PPM1D: variants seen among roughly 807,000 people sequenced by gnomAD.
PPM1D encodes the protein protein phosphatase 1D.
PPM1D carries 52 observed loss-of-function variants against 58.3 expected under a neutral mutation model. The ratio of observed to expected loss-of-function variants is 0.89; its 90% confidence interval spans 0.71 to 1.12. The LOEUF is 1.12. Among genes scored for constraint, PPM1D ranks in the 50% most tolerant of loss-of-function variants. The pLI, the probability that PPM1D is intolerant of heterozygous loss-of-function variation, is 0.00. For synonymous variants in PPM1D, 278 were observed against 285.1 expected (o/e 0.98, Z 0.25); for missense variants, 564 against 777.2 (o/e 0.73, Z 3.26).
intron 3 of PPM1D, among the ~76,000 whole-genome samples, chr17:60,647,478 T>C (rs575715032): frequency 6.6e-6 from 1 of 152,306 alleles, no homozygotes; most frequent in East Asian, 1.9e-4. Flanking sequence ...TGGTTTTCCA[T>C]GTATAAATGA....
intron 1 of PPM1D, among the ~76,000 whole-genome samples, chr17:60,605,899 T>G (rs1286780627): frequency 6.6e-6 from 1 of 152,216 alleles, no homozygotes; most frequent in Non-Finnish European, 1.5e-5. Flanking sequence ...CGCGAGACTC[T>G]GTCTCATAAA....
chr17:60,604,348 G>T (rs369514353), intron 1 of PPM1D, among the ~76,000 whole-genome samples: 1 of 152,114 alleles, frequency 6.6e-6, no homozygotes, highest in Non-Finnish European at 1.5e-5. Flanking sequence ...TTCTTGAAGC[G>T]AAAAGCTCAC....
At chr17:60,628,184 T>TA (rs1359438635) in intron 2 of PPM1D, among the ~76,000 whole-genome samples, 3 of 152,152 alleles carry the variant, frequency 2.0e-5, no homozygotes, top group Non-Finnish European at 4.4e-5. Context: ...CTGCATAATT[T>TA]AAAAAAATTA....
chr17:60,600,779 G>T lies in PPM1D; in HGVS notation c.365G>T (p.Gly122Val), dbSNP rs1276428173. Reference sequence around the variant, plus strand: ...CAGTTTGCCCGGGAGCACTTGTGGGGTTTCATCAAGAAGCAGAAGGGTTTC... The same window carrying T: ...CAGTTTGCCCGGGAGCACTTGTGGGTTTTCATCAAGAAGCAGAAGGGTTTC... The part of the protein sequence containing the change: ...AAQFAREHLW[G>V]FIKKQKGFTS... Residue 122 changes from glycine to valine, a missense_variant, in exon 1 of 6, where the codon GGT becomes GTT. Gly to Val is a moderately radical substitution (Grantham distance 109). This residue lies in a region of PPM1D where 23 missense variants were observed against 28.9 expected (regional missense o/e 0.80). Transcript: ENST00000305921. 2.5e-6 allele frequency: 4 copies of T among 1,612,866 alleles called. No homozygotes were observed. The highest frequency in any genetic ancestry group is 2.2e-5 in the South Asian group (2 of 91,088).
chr17:60,600,514 A>C lies in PPM1D; in HGVS notation c.100A>C (p.Thr34Pro). 6.4e-7 allele frequency: 1 copy of C among 1,565,842 alleles called. No individual in the cohort carries two copies. Among genetic ancestry groups the C allele is most frequent in the Middle Eastern group, 1.7e-4 (1 of 5,988 alleles). Residue 34 changes from threonine (T) to proline (P), a missense_variant, in exon 1 of 6, where the codon ACG becomes CCG. Physicochemically the swap from Thr to Pro is conservative, Grantham distance 38 (BLOSUM62 -1). Around this residue, in one of 7 missense-constraint regions of PPM1D, gnomAD observed 132 missense variants for 150.4 expected, o/e 0.88. Transcript: ENST00000305921. ...VTQIVVEPEP[T>P]AEEKPSPRRS... is the part of the protein sequence containing the mutation. ...TCAAATCGTTGTGGAGCCCGAACCG[A>C]CGGCTGAAGAAAAGCCCTCGCCGCG...
At chr17:60,650,020 C>A (rs949215782) in intron 4 of PPM1D, among the ~76,000 whole-genome samples, 3 of 152,018 alleles carry the variant, frequency 2.0e-5, no homozygotes, top group Non-Finnish European at 2.9e-5. Context: ...AAGACAAAAA[C>A]CAGTTTGTAG....
At chr17:60,659,659 T>C (rs539636143) in intron 5 of PPM1D, among the ~76,000 whole-genome samples, 44 of 152,370 alleles carry the variant, frequency 2.9e-4, no homozygotes, top group Non-Finnish European at 5.4e-4. Flanking sequence ...GAGGAGAAAG[T>C]TGATCTCTGA....
intron 1 of PPM1D, chr17:60,604,803 G>C (rs982739882): frequency 9.9e-5 from 15 of 152,108 alleles, no homozygotes; most frequent in African/African-American, 3.4e-4. Context: ...TGTCATCAAG[G>C]ATATTCTTTT....
chr17:60,645,582 A>ATATGAATATATATG (rs1555647684), intron 3 of PPM1D, among the ~76,000 whole-genome samples: 1 of 129,754 alleles, frequency 7.7e-6, no homozygotes, highest in African/African-American at 3.4e-5. Flanking sequence ...GTATATATAT[A>ATATGAATATATATG]TGTGTGTATA....
intron 1 of PPM1D, among the ~76,000 whole-genome samples, chr17:60,613,890 G>GC (rs61669650): frequency 0.039 from 5,359 of 137,152 alleles, 190 homozygotes; most frequent in African/African-American, 0.11. Flanking sequence ...CATACCTGAG[G>GC]CCCCCCCCCC....
chr17:60,611,982 T>C (rs573202441), intron 1 of PPM1D, among the ~76,000 whole-genome samples: 1 of 151,792 alleles, frequency 6.6e-6, no homozygotes, highest in South Asian at 2.1e-4. Flanking sequence ...TGCTGTCCAA[T>C]TGACTGGAGT....
chr17:60,650,179 A>C (rs1414337928), intron 4 of PPM1D, among the ~76,000 whole-genome samples: 1 of 152,244 alleles, frequency 6.6e-6, no homozygotes, highest in African/African-American at 2.4e-5. Context: ...AGGAAGCTTC[A>C]TGGAAGAGAG....
At chr17:60,619,000 C>T (rs970859832) in intron 1 of PPM1D, among the ~76,000 whole-genome samples, 1 of 152,180 alleles carries the variant, frequency 6.6e-6, no homozygotes. Context: ...AGAACTTACT[C>T]ATAATGGGAA....
At chr17:60,622,565 C>T (rs1011920309) in intron 1 of PPM1D, among the ~76,000 whole-genome samples, 1 of 151,960 alleles carries the variant, frequency 6.6e-6, no homozygotes, top group African/African-American at 2.4e-5. Context: ...GGATTCTGCC[C>T]CTAAATATTT....
chr17:60,613,548 T>TG (rs1305508453), intron 1 of PPM1D, among the ~76,000 whole-genome samples: 2 of 152,230 alleles, frequency 1.3e-5, no homozygotes, highest in Admixed American at 1.3e-4. Flanking sequence ...CACTGCACTG[T>TG]GGGAGCCCCT....
Position 60,641,943 on chromosome 17 carries a change from C to T in PPM1D, c.827-5949C>T, listed in dbSNP as rs139067858. On this transcript the variant is annotated intron_variant, in intron 3 of 5. Transcript: ENST00000305921. ...GCAGGCCTCCTCTCTTCTGGTGTCC[C>T]TTCAGCACCCTCTACTGAGGAAAAA... is the stretch of plus-strand genomic sequence containing the variant. Among the ~76,000 whole-genome samples, 564 of 152,290 alleles carry T rather than the reference C, an allele frequency of 3.7e-3. 1 individual carries two copies. Among genetic ancestry groups the T allele is most frequent in the African/African-American group, 0.013 (534 of 41,546 alleles).
intron 5 of PPM1D, 108 bp downstream of exon 5, chr17:60,656,949 C>T (rs754063728): frequency 7.5e-6 from 12 of 1,594,286 alleles, no homozygotes; most frequent in East Asian, 6.7e-5. Context: ...GATTTGAACT[C>T]GATTCAAGAA....
intron 2 of PPM1D, among the ~76,000 whole-genome samples, chr17:60,632,765 C>T (rs992562341): frequency 4.6e-5 from 7 of 152,140 alleles, no homozygotes; most frequent in South Asian, 2.1e-4. Flanking sequence ...GTCAAGAGTT[C>T]GAGACCAGCC....
intron 3 of PPM1D, among the ~76,000 whole-genome samples, chr17:60,634,260 A>C (rs2030981813): frequency 6.6e-6 from 1 of 152,122 alleles, no homozygotes; most frequent in Non-Finnish European, 1.5e-5. Flanking sequence ...AAAAATACAA[A>C]AATTAGCTGG....
Sources: gnomAD v4.1 joint callset for allele counts (sites outside exome capture counted in the v4.1 genomes callset) on GRCh38, gnomAD v4.1.1 for gene constraint, gnomAD v4.1.1 regional missense constraint, MANE v1.5 for transcripts, NCBI Gene and HGNC (gene_info 2026-07-23, HGNC 2026-07-21) for gene names.